RP1: variants seen among roughly 807,000 people sequenced by gnomAD.
The protein encoded by RP1 is RP1 axonemal microtubule associated.
Under a neutral mutation model 14.8 loss-of-function variants are expected in RP1, and 16 were observed. The observed-to-expected ratio is 1.08, with a 90% confidence interval of 0.73 to 1.65. The LOEUF is 1.65. Among genes scored for constraint, RP1 ranks in the 40% most tolerant of loss-of-function variants. The probability of loss-of-function intolerance (pLI) is 0.00; values close to 1 mark genes in which losing one functional copy is unlikely to be tolerated. For missense variants in RP1, 2,631 were observed against 2,535.0 expected (o/e 1.04, Z -0.81); for synonymous variants, 876 against 883.6 (o/e 0.99, Z 0.15).
Position 54,670,695 on chromosome 8 carries a change from AT to A in RP1, c.1324-3154del, listed in dbSNP as rs1485347944. 6.2e-4 allele frequency among the ~76,000 whole-genome samples: 86 copies of A among 138,748 alleles called. 3 individuals carry two copies. Among genetic ancestry groups the A allele is most frequent in the African/African-American group, 2.1e-3 (80 of 37,550 alleles). The allele number at this position is 138,748 out of a possible 152,430, so 91.0% of individuals were successfully genotyped here. A position where few individuals can be genotyped will look rare whatever the true frequency, so the allele number is the denominator to read the frequency against. On this transcript the variant is annotated intron_variant, in intron 7 of 22. Coordinates refer to the RP1 transcript ENST00000636932. ...TTTATATATATATATATATATATAT[AT>A]ATATATATATAAAACATTAAGTCCT...
chr8:54,678,351 G>A, intron 8 of RP1: 1 of 863,070 alleles, frequency 1.2e-6, no homozygotes, highest in Non-Finnish European at 1.8e-6. Flanking sequence ...GCTTTATATT[G>A]TACAAGACCT....
intron 24 of RP1, among the ~76,000 whole-genome samples, chr8:54,807,100 G>T (rs560744564): frequency 6.6e-6 from 1 of 152,308 alleles, no homozygotes; most frequent in Middle Eastern, 3.4e-3. Context: ...TATTCTACTT[G>T]TGTCATATAA....
At chr8:54,614,709 T>G (rs1805674418), upstream of RP1, among the ~76,000 whole-genome samples, 1 of 152,206 alleles carries the variant, frequency 6.6e-6, no homozygotes. Flanking sequence ...CTGTCTTATA[T>G]GTAAGAAATG....
intron 24 of RP1, among the ~76,000 whole-genome samples, chr8:54,820,053 C>G (rs1297643791): frequency 6.6e-6 from 1 of 152,132 alleles, no homozygotes; most frequent in African/African-American, 2.4e-5. Context: ...GGGCAACTTC[C>G]CTTCTGGCCA....
intron 22 of RP1, among the ~76,000 whole-genome samples, chr8:54,762,000 AG>A (rs1809651572): frequency 6.6e-6 from 1 of 152,166 alleles, no homozygotes; most frequent in African/African-American, 2.4e-5. Context: ...TATGAGGTCA[AG>A]GTCAGTGTCC....
chr8:54,716,048 T>C lies in RP1; in HGVS notation c.2212-4081T>C, dbSNP rs720371. Among the ~76,000 whole-genome samples the C allele has an allele frequency of 5.7e-3, 866 of 152,340 alleles. 30 individuals carry two copies. The highest frequency in any genetic ancestry group is 0.045 in the Admixed American group (684 of 15,300). ...TTGATTTTTAATACGTTATCTGTTC[T>C]AAGTTTGGGGAGATAGTGGTTTGGG... is the stretch of plus-strand genomic sequence containing the variant. On this transcript the variant is annotated intron_variant, in intron 15 of 22. Coordinates refer to the RP1 transcript ENST00000636932.
chr8:54,612,560 G>A (rs900998473), upstream of RP1, among the ~76,000 whole-genome samples: 5 of 152,184 alleles, frequency 3.3e-5, no homozygotes, highest in Non-Finnish European at 2.9e-5. Context: ...TCCTGGCACT[G>A]CCTACTCTGC....
At chr8:54,563,239 G>A (rs1804325662) in intron 1 of RP1, among the ~76,000 whole-genome samples, 1 of 152,234 alleles carries the variant, frequency 6.6e-6, no homozygotes, top group African/African-American at 2.4e-5. Flanking sequence ...ATTGGGAACA[G>A]GCTGAGAGGG....
rs570774333 is a variant in RP1 at position 54,697,224 on chromosome 8, C to T, written c.1718-2243C>T. 324 of 644,434 alleles carry T rather than the reference C, an allele frequency of 5.0e-4. 3 individuals are homozygous for T. The highest frequency in any genetic ancestry group is 3.7e-3 in the South Asian group (214 of 58,026). 39.9% of individuals were successfully genotyped at this position (644,434 alleles called of 1,614,324 possible). On this transcript the variant is annotated intron_variant, in intron 12 of 22. Coordinates refer to the RP1 transcript ENST00000636932. ...TTTATCCAGAGAAGATTATTTCCTG[C>T]GTTATCTTCAAAAACTGGAAAGGAA...
rs117293466 is a variant in RP1, at chr8:54,753,503, G to A, written c.2809-1300G>A. On this transcript the variant is annotated intron_variant, in intron 19 of 22. Coordinates refer to the RP1 transcript ENST00000636932. ...AAGAGGTTATGTGTAAGCTATGAAG[G>A]ATGGGCAGACTCATCACGGTAATGA... 7.4e-4 allele frequency among the ~76,000 whole-genome samples: 112 copies of A among 152,314 alleles called. 3 individuals are homozygous for A. The East Asian group carries it at 0.019, about 25-fold the overall frequency.
chr8:54,768,326 A>G (rs1462802035), intron 22 of RP1, among the ~76,000 whole-genome samples: 1 of 152,122 alleles, frequency 6.6e-6, no homozygotes, highest in Non-Finnish European at 1.5e-5. Context: ...TTCTGCTCCT[A>G]TAACATCTGT....
chr8:54,603,604 A>C (rs1215268676), intron 1 of RP1, among the ~76,000 whole-genome samples: 1 of 152,274 alleles, frequency 6.6e-6, no homozygotes, highest in Non-Finnish European at 1.5e-5. Flanking sequence ...TGGGGATGGC[A>C]TTGAATCTAT....
chr8:54,857,230 TTTATA>T (rs1301635586), intron 27 of RP1: 3 of 225,734 alleles, frequency 1.3e-5, no homozygotes, highest in African/African-American at 2.3e-5. Flanking sequence ...ATAATCTTAT[TTTATA>T]TTATATTTAA....
At chr8:54,775,800 A>C (rs1289771215) in intron 23 of RP1, among the ~76,000 whole-genome samples, 3 of 152,240 alleles carry the variant, frequency 2.0e-5, no homozygotes, top group African/African-American at 7.2e-5. Context: ...CTGCATACTT[A>C]GGTCAAGACT....
At chr8:54,593,763 A>G (rs1166854593) in intron 1 of RP1, among the ~76,000 whole-genome samples, 1 of 152,238 alleles carries the variant, frequency 6.6e-6, no homozygotes, top group Non-Finnish European at 1.5e-5. Flanking sequence ...CAGCCTCACC[A>G]GTGGAACTCA....
intron 6 of RP1, among the ~76,000 whole-genome samples, chr8:54,659,855 T>A (rs78760704): frequency 0.029 from 4,380 of 152,254 alleles, 186 homozygotes; most frequent in African/African-American, 0.099. Context: ...CCTACAAACT[T>A]GGGGTGTCTT....
chr8:54,656,452 T>A (rs1806756930), intron 6 of RP1, among the ~76,000 whole-genome samples: 1 of 152,128 alleles, frequency 6.6e-6, no homozygotes. Flanking sequence ...AAATGCTTCT[T>A]AATCAAAACA....
intron 24 of RP1, among the ~76,000 whole-genome samples, chr8:54,836,237 G>A (rs1011289321): frequency 6.6e-6 from 1 of 152,290 alleles, no homozygotes; most frequent in Admixed American, 6.5e-5. Flanking sequence ...TCATTGTGGG[G>A]ATTAGGGCAG....
At chr8:54,696,665 G>A (rs779661810) in intron 12 of RP1, 7 of 818,418 alleles carry the variant, frequency 8.6e-6, no homozygotes, top group Non-Finnish European at 1.4e-5. Flanking sequence ...CTTGGCCTTT[G>A]TTGTACGCAT....
Sources: gnomAD v4.1 joint callset for allele counts (sites outside exome capture counted in the v4.1 genomes callset) on GRCh38, gnomAD v4.1.1 for gene constraint, MANE v1.5 for transcripts, NCBI Gene and HGNC (gene_info 2026-07-23, HGNC 2026-07-21) for gene names.